MCC: variants seen among roughly 807,000 people sequenced by gnomAD.
MCC encodes MCC regulator of Wnt signaling pathway.
MCC carries 90 observed loss-of-function variants against 116.2 expected under a neutral mutation model. The observed-to-expected ratio is 0.77, with a 90% confidence interval of 0.65 to 0.92. The LOEUF (loss-of-function observed/expected upper bound fraction) is 0.92, where lower values mean the gene tolerates loss of function less well. MCC is among the 40% of genes least tolerant of loss of function. The pLI, the probability that MCC is intolerant of heterozygous loss-of-function variation, is 0.00. For missense variants in MCC, 1,516 were observed against 1,312.2 expected (o/e 1.16, Z -2.40); for synonymous variants, 578 against 510.5 (o/e 1.13, Z -1.78).
chr5:113,473,146 C>T (rs1772139023), intron 1 of MCC, among the ~76,000 whole-genome samples: 1 of 152,014 alleles, frequency 6.6e-6, no homozygotes, highest in African/African-American at 2.4e-5. Context: ...CAGTAACTAA[C>T]CATAGAGGGA....
chr5:113,141,446 T>C (rs1394238653), intron 5 of MCC, among the ~76,000 whole-genome samples: 1 of 152,218 alleles, frequency 6.6e-6, no homozygotes, highest in Non-Finnish European at 1.5e-5. Context: ...CAGATGTCTA[T>C]CTGTCTCTAC....
chr5:113,245,794 ACT>A (rs1764551749), intron 3 of MCC, among the ~76,000 whole-genome samples: 2 of 152,124 alleles, frequency 1.3e-5, no homozygotes. Context: ...GCCATAAAGA[ACT>A]CATACTGTGA....
chr5:113,128,948 C>A (rs868675935), intron 5 of MCC, among the ~76,000 whole-genome samples: 1 of 152,196 alleles, frequency 6.6e-6, no homozygotes, highest in African/African-American at 2.4e-5. Flanking sequence ...CAACAACACA[C>A]AGGTAACTGT....
chr5:113,295,687 G>A (rs1048870556), intron 3 of MCC, among the ~76,000 whole-genome samples: 1 of 152,170 alleles, frequency 6.6e-6, no homozygotes, highest in East Asian at 1.9e-4. Flanking sequence ...TTGAGTTCCC[G>A]AGGTAAAACA....
chr5:113,463,461 G>A (rs1771803694), intron 1 of MCC, among the ~76,000 whole-genome samples: 1 of 152,164 alleles, frequency 6.6e-6, no homozygotes, highest in African/African-American at 2.4e-5. Context: ...AGATTTAAAA[G>A]GTAAAATAAT....
intron 14 of MCC, 83 bp downstream of exon 14, chr5:113,063,901 G>A (rs1054714665): frequency 2.8e-6 from 4 of 1,440,576 alleles, no homozygotes; most frequent in South Asian, 1.4e-5. Context: ...CAGTCCCCAA[G>A]AGCTGGGTCA....
At chr5:113,296,032 A>G (rs1373203115) in intron 3 of MCC, among the ~76,000 whole-genome samples, 2 of 152,164 alleles carry the variant, frequency 1.3e-5, no homozygotes, top group Non-Finnish European at 2.9e-5. Context: ...ATAACGTTTT[A>G]CCCATCCCCC....
chr5:113,328,239 G>A (rs1236568351), intron 3 of MCC, among the ~76,000 whole-genome samples: 9 of 152,204 alleles, frequency 5.9e-5, no homozygotes, highest in African/African-American at 1.4e-4. Flanking sequence ...CTGGCAAAGC[G>A]CTTCTACTGA....
chr5:113,170,463 C>G (rs1218208392), intron 3 of MCC, among the ~76,000 whole-genome samples: 1 of 152,028 alleles, frequency 6.6e-6, no homozygotes, highest in East Asian at 1.9e-4. Flanking sequence ...ATTTCTGTGG[C>G]GTCATTAAAG....
At chr5:113,099,412 A>G (rs1359425351) in intron 8 of MCC, among the ~76,000 whole-genome samples, 1 of 152,212 alleles carries the variant, frequency 6.6e-6, no homozygotes, top group Non-Finnish European at 1.5e-5. Flanking sequence ...ATTCCTATTT[A>G]AAAAAATGAC....
At chr5:113,126,145 C>T (rs149731229) in intron 5 of MCC, among the ~76,000 whole-genome samples, 285 of 152,276 alleles carry the variant, frequency 1.9e-3, no homozygotes, top group Non-Finnish European at 2.5e-3. Flanking sequence ...CTGCGAAGTG[C>T]TTCCAAGTTG....
At chr5:113,321,802 G>A (rs1000722134) in intron 3 of MCC, among the ~76,000 whole-genome samples, 3 of 152,120 alleles carry the variant, frequency 2.0e-5, no homozygotes, top group African/African-American at 2.4e-5. Context: ...CACTAGGTCC[G>A]GGGTGATGCC....
At chr5:113,263,449 G>A (rs1351537312) in intron 3 of MCC, among the ~76,000 whole-genome samples, 2 of 152,300 alleles carry the variant, frequency 1.3e-5, no homozygotes, top group East Asian at 1.9e-4. Context: ...CACTTGGACA[G>A]CTGAAGAGTT....
chr5:113,399,464 G>A (rs1324269947), intron 1 of MCC, among the ~76,000 whole-genome samples: 2 of 152,068 alleles, frequency 1.3e-5, no homozygotes, highest in Non-Finnish European at 2.9e-5. Context: ...CAGCCTGGCC[G>A]ACAGAGCAAG....
intron 1 of MCC, among the ~76,000 whole-genome samples, chr5:113,418,694 T>TCAC (rs386404717): frequency 6.6e-6 from 1 of 152,110 alleles, no homozygotes; most frequent in Non-Finnish European, 1.5e-5. Flanking sequence ...ATTATTATCA[T>TCAC]CATCATCATC....
chr5:113,158,061 G>C (rs771949794), intron 3 of MCC, among the ~76,000 whole-genome samples: 41 of 152,252 alleles, frequency 2.7e-4, no homozygotes, highest in Non-Finnish European at 3.4e-4. Flanking sequence ...TCCCCAGGTC[G>C]GACAAAGCAG....
At chr5:113,482,058 T>G (rs779133135) in intron 1 of MCC, among the ~76,000 whole-genome samples, 6 of 152,228 alleles carry the variant, frequency 3.9e-5, no homozygotes, top group Non-Finnish European at 5.9e-5. Flanking sequence ...GCATTAATGT[T>G]TTCAAGGTTC....
chr5:113,292,334 T>C (rs1204468200), intron 3 of MCC, among the ~76,000 whole-genome samples: 1 of 152,062 alleles, frequency 6.6e-6, no homozygotes. Context: ...GAGGTACAAC[T>C]AAATCATGGT....
intron 1 of MCC, among the ~76,000 whole-genome samples, chr5:113,463,190 G>C (rs1261637285): frequency 1.3e-5 from 2 of 152,148 alleles, no homozygotes; most frequent in African/African-American, 2.4e-5. Context: ...GCCTAGAGGA[G>C]AGAGGGCAAG....
Sources: allele counts gnomAD v4.1 joint callset (sites outside exome capture counted in the v4.1 genomes callset), GRCh38; gene constraint gnomAD v4.1.1; transcripts MANE v1.5; gene names NCBI Gene and HGNC (gene_info 2026-07-23, HGNC 2026-07-21).